RBFOX1: variants seen among roughly 807,000 people sequenced by gnomAD.
The protein encoded by RBFOX1 is RNA binding protein fox-1 homolog 1.
Under a neutral mutation model 57.7 loss-of-function variants are expected in RBFOX1, and 8 were observed. The observed-to-expected ratio is 0.14, with a 90% CI of 0.08 to 0.25. The LOEUF is 0.25. Ranked by LOEUF, RBFOX1 falls within the 10% of genes least tolerant of loss-of-function variation. The probability of loss-of-function intolerance (pLI) is 1.00; values close to 1 mark genes in which losing one functional copy is unlikely to be tolerated. For missense variants in RBFOX1, 611 were observed against 548.5 expected (o/e 1.11, Z -1.14); for synonymous variants, 326 against 222.4 (o/e 1.47, Z -4.15).
chr16:7,603,794 A>G (rs1267740112), intron 9 of RBFOX1, among the ~76,000 whole-genome samples: 1 of 152,212 alleles, frequency 6.6e-6, no homozygotes, highest in Non-Finnish European at 1.5e-5. Flanking sequence ...GTGTGTGCTG[A>G]TTGACTAAGG....
intron 3 of RBFOX1, among the ~76,000 whole-genome samples, chr16:5,619,509 T>G (rs1228873095): frequency 6.6e-6 from 1 of 152,118 alleles, no homozygotes; most frequent in African/African-American, 2.4e-5. Flanking sequence ...CAGGGAGCGA[T>G]CTTATCCTGT....
chr16:6,367,519 C>G (rs568271645), intron 2 of RBFOX1, among the ~76,000 whole-genome samples: 1 of 152,284 alleles, frequency 6.6e-6, no homozygotes, highest in Non-Finnish European at 1.5e-5. Flanking sequence ...ATCCACCCAT[C>G]TCGGCCTCCC....
At chr16:5,444,540 A>G (rs975969657) in intron 1 of RBFOX1, among the ~76,000 whole-genome samples, 1 of 152,152 alleles carries the variant, frequency 6.6e-6, no homozygotes. Flanking sequence ...AGATTGCGCC[A>G]CCGATCGGCT....
chr16:5,582,681 G>C (rs1388494304), intron 2 of RBFOX1, among the ~76,000 whole-genome samples: 1 of 150,990 alleles, frequency 6.6e-6, no homozygotes, highest in Non-Finnish European at 1.5e-5. Context: ...CTCCCAAGTA[G>C]CTGGGACCAC....
At chr16:7,517,138 CGTGTGTGTGTGTGTGT>C (rs200887129) in intron 4 of RBFOX1, among the ~76,000 whole-genome samples, 232 of 130,218 alleles carry the variant, frequency 1.8e-3, no homozygotes, top group Non-Finnish European at 2.8e-3. Context: ...TTTCTTATGC[CGTGTGTGTGTGTGTGT>C]GTGTGTGTGT....
intron 4 of RBFOX1, among the ~76,000 whole-genome samples, chr16:7,212,851 G>C (rs1387906291): frequency 2.0e-5 from 3 of 152,076 alleles, no homozygotes; most frequent in South Asian, 2.1e-4. Flanking sequence ...AAAATAAAAA[G>C]AATAACTTAG....
At chr16:5,530,484 C>T (rs1341227989) in intron 2 of RBFOX1, among the ~76,000 whole-genome samples, 2 of 152,152 alleles carry the variant, frequency 1.3e-5, no homozygotes, top group African/African-American at 4.8e-5. Context: ...CACCTCTACC[C>T]TATAAAGTCT....
At chr16:5,804,691 G>T in intron 3 of RBFOX1, among the ~76,000 whole-genome samples, 1 of 152,100 alleles carries the variant, frequency 6.6e-6, no homozygotes, top group East Asian at 1.9e-4. Flanking sequence ...AATTAATTAC[G>T]GTGGCCTTTC....
intron 2 of RBFOX1, among the ~76,000 whole-genome samples, chr16:5,558,837 G>C (rs1391127601): frequency 6.6e-6 from 1 of 152,134 alleles, no homozygotes; most frequent in Non-Finnish European, 1.5e-5. Flanking sequence ...CAGAAAACTA[G>C]AGCAGGAGTT....
At chr16:7,037,453 G>A (rs1336005878) in intron 3 of RBFOX1, among the ~76,000 whole-genome samples, 3 of 151,844 alleles carry the variant, frequency 2.0e-5, no homozygotes, top group Admixed American at 2.0e-4. Context: ...GAGTTGCTCT[G>A]GTTCATAAAC....
At chr16:5,514,181 T>C (rs2043705446) in intron 2 of RBFOX1, among the ~76,000 whole-genome samples, 1 of 152,196 alleles carries the variant, frequency 6.6e-6, no homozygotes, top group Non-Finnish European at 1.5e-5. Context: ...ATGAGTCAGC[T>C]GGCAATCCTG....
chr16:5,611,191 T>C (rs1386991813), intron 3 of RBFOX1: 3 of 152,240 alleles, frequency 2.0e-5, no homozygotes, highest in Non-Finnish European at 2.9e-5. Flanking sequence ...AATCTTGGGT[T>C]CATCTTTAAG....
intron 5 of RBFOX1, among the ~76,000 whole-genome samples, chr16:7,566,583 G>A (rs756900407): frequency 8.5e-5 from 13 of 152,054 alleles, no homozygotes; most frequent in Non-Finnish European, 1.6e-4. Context: ...AGTTGTTATG[G>A]CGACTCGGTA....
At chr16:7,273,285 A>G (rs768584013) in intron 4 of RBFOX1, among the ~76,000 whole-genome samples, 7 of 123,342 alleles carry the variant, frequency 5.7e-5, no homozygotes, top group Non-Finnish European at 8.0e-5. Flanking sequence ...TTTCTCATCT[A>G]TGAGCCAGAA....
intron 2 of RBFOX1, among the ~76,000 whole-genome samples, chr16:6,460,475 G>C (rs2153063024): frequency 6.6e-6 from 1 of 151,668 alleles, no homozygotes; most frequent in South Asian, 2.1e-4. Context: ...AAACATACAT[G>C]CGGCCAAACA....
chr16:5,448,456 G>T (rs1019361894), intron 1 of RBFOX1, among the ~76,000 whole-genome samples: 8 of 152,184 alleles, frequency 5.3e-5, no homozygotes, highest in African/African-American at 1.9e-4. Context: ...TCTCCTATGT[G>T]GGCTGTTAAA....
At chr16:5,335,708 C>G (rs190467187) in intron 1 of RBFOX1, among the ~76,000 whole-genome samples, 115 of 152,228 alleles carry the variant, frequency 7.6e-4, no homozygotes, top group African/African-American at 2.4e-3. Flanking sequence ...CCCAGTAGAT[C>G]ATAAGCTTTC....
chr16:6,886,170 T>G (rs982717441), intron 3 of RBFOX1, among the ~76,000 whole-genome samples: 1 of 151,676 alleles, frequency 6.6e-6, no homozygotes, highest in African/African-American at 2.4e-5. Context: ...CAAGTGACTC[T>G]CCTGCCTCAG....
chr16:6,188,912 C>T (rs889676627), intron 1 of RBFOX1, among the ~76,000 whole-genome samples: 4 of 152,108 alleles, frequency 2.6e-5, no homozygotes, highest in African/African-American at 9.7e-5. Flanking sequence ...ATTAAGAGAT[C>T]TGTAATAAGA....
Sources: allele counts gnomAD v4.1 joint callset (sites outside exome capture counted in the v4.1 genomes callset), GRCh38; gene constraint gnomAD v4.1.1; transcripts MANE v1.5; gene names NCBI Gene and HGNC (gene_info 2026-07-23, HGNC 2026-07-21).